Variants in DLGAP3 observed in about 807,000 individuals in gnomAD.
The protein encoded by DLGAP3 is disks large-associated protein 3.
A neutral mutation model predicts 81.2 loss-of-function variants in DLGAP3; 17 were observed. The ratio of observed to expected loss-of-function variants is 0.21; its 90% CI spans 0.14 to 0.31. The LOEUF (loss-of-function observed/expected upper bound fraction) is 0.31. Among genes scored for constraint, DLGAP3 ranks in the 10% least tolerant of loss-of-function variants. DLGAP3 has a pLI of 1.00. For missense variants in DLGAP3, 1,124 were observed against 1,388.0 expected (o/e 0.81, Z 3.02); for synonymous variants, 577 against 587.4 (o/e 0.98, Z 0.26).
chr1:34,912,389 G>T (rs1639652307), intron 1 of DLGAP3, among the ~76,000 whole-genome samples: 1 of 152,184 alleles, frequency 6.6e-6, no homozygotes, highest in Admixed American at 6.5e-5. Context: ...TCAGCATTTG[G>T]CACAAAGTGA....
chr1:34,888,597 G>C (rs1218874944), intron 5 of DLGAP3, among the ~76,000 whole-genome samples: 1 of 152,180 alleles, frequency 6.6e-6, no homozygotes, highest in Non-Finnish European at 1.5e-5. Context: ...AAGAAGGATT[G>C]TCTGAACTTT....
intron 1 of DLGAP3, among the ~76,000 whole-genome samples, chr1:34,926,180 G>A (rs921239397): frequency 3.9e-5 from 6 of 152,176 alleles, no homozygotes; most frequent in African/African-American, 1.4e-4. Context: ...CAGCTCTCCA[G>A]CTACAGCCCC....
At chr1:34,886,345 G>A (rs1639230012) in intron 5 of DLGAP3, 60 bp from the exon 6 acceptor site, 2 of 1,462,016 alleles carry the variant, frequency 1.4e-6, no homozygotes, top group Non-Finnish European at 1.8e-6. Flanking sequence ...GGAAGTCCCT[G>A]GGGTGCTCTG....
At chr1:34,876,334 G>GTT (rs2148396536) in intron 8 of DLGAP3, among the ~76,000 whole-genome samples, 1 of 152,340 alleles carries the variant, frequency 6.6e-6, no homozygotes, top group South Asian at 2.1e-4. Context: ...CACCCTGAAA[G>GTT]GCAGAAGAGA....
intron 3 of DLGAP3, among the ~76,000 whole-genome samples, chr1:34,903,535 G>C (rs1429265092): frequency 1.3e-5 from 2 of 152,170 alleles, no homozygotes; most frequent in African/African-American, 4.8e-5. Flanking sequence ...TGGGGTGAAG[G>C]CTCCATAAAA....
At chr1:34,926,510 C>T (rs1292550271) in intron 1 of DLGAP3, among the ~76,000 whole-genome samples, 3 of 152,166 alleles carry the variant, frequency 2.0e-5, no homozygotes, top group Non-Finnish European at 4.4e-5. Flanking sequence ...GGGTACGCAG[C>T]TGTTCTTCCA....
intron 1 of DLGAP3, among the ~76,000 whole-genome samples, chr1:34,913,598 TA>T (rs1639673101): frequency 6.6e-6 from 1 of 152,258 alleles, no homozygotes; most frequent in Non-Finnish European, 1.5e-5. Context: ...GTGTTTATAG[TA>T]TGTCTCCCCA....
At chr1:34,925,240 C>T (rs1030244268) in intron 1 of DLGAP3, 1 of 151,932 alleles carries the variant, frequency 6.6e-6, no homozygotes, top group African/African-American at 2.4e-5. Flanking sequence ...AGACATGGGG[C>T]TTCCCTGAGG....
In DLGAP3 at chr1:34,900,038, C is replaced by T. The variant is rs1415060850; in HGVS notation, c.1313+30G>A. 1.9e-6 allele frequency: 3 copies of T among 1,595,134 alleles called. No individual in the cohort carries two copies. Among genetic ancestry groups the T allele is most frequent in the Admixed American group, 1.7e-5 (1 of 59,790 alleles). ...AGGAGTCCAGCATCAGCCTCCTGACCCCGCACCCCCCGGCCCTCCCTGTCC... is the reference window on the plus strand; with the variant it reads ...AGGAGTCCAGCATCAGCCTCCTGACTCCGCACCCCCCGGCCCTCCCTGTCC... On this transcript the variant is annotated intron_variant, in intron 4 of 11. Transcript: ENST00000373347. This position sits in a 1 kb window ranked among gnomAD's most constrained non-coding sequence, Gnocchi z 5.6.
chr1:34,866,354 A>C, intron 11 of DLGAP3, 53 bp from the exon 12 acceptor site: 1 of 1,395,714 alleles, frequency 7.2e-7, no homozygotes, highest in Non-Finnish European at 9.5e-7. Context: ...CCCAACACCC[A>C]GGTGTCCGCC....
At chr1:34,913,527 A>C (rs1437622317) in intron 1 of DLGAP3, among the ~76,000 whole-genome samples, 1 of 152,092 alleles carries the variant, frequency 6.6e-6, no homozygotes, top group African/African-American at 2.4e-5. Context: ...GTTCTATATC[A>C]CCTGCTTCAT....
chr1:34,869,009 G>A lies in DLGAP3; in HGVS notation c.2081C>T (p.Ala694Val), dbSNP rs773655239. ...DLELEGLAGL[A>V]TVATEDKALQ... is the part of the protein sequence containing the mutation. ...GGCCTTGTCTTCTGTGGCCACCGTG[G>A]CCAGGCCTGCCAGGCCCTCCAGCTC... is the stretch of plus-strand genomic sequence containing the variant. Residue 694 changes from alanine to valine, a missense_variant, in exon 9 of 12, where the codon GCC (alanine) becomes GTC (valine). Physicochemically the swap from Ala to Val is moderately conservative, Grantham distance 64 (BLOSUM62 0). Around this residue, in one of 9 missense-constraint regions of DLGAP3, gnomAD observed 379 missense variants for 455.7 expected, o/e 0.83. Coordinates refer to ENST00000373347, the MANE Select transcript of DLGAP3 (RefSeq NM_001080418.3). 6.2e-7 allele frequency: 1 copy of A among 1,603,684 alleles called. No homozygotes were observed. The highest frequency in any genetic ancestry group is 8.5e-7 in the Non-Finnish European group (1 of 1,179,180).
chr1:34,905,453 A>G lies in DLGAP3; in HGVS notation c.-51-19T>C. On this transcript the variant is annotated intron_variant, in intron 2 of 11. Transcript: ENST00000373347. Reference sequence around the variant, plus strand: ...GAACCTCCTGGAAAAATAGGGAGAAAAGGTATTTGAATTGAACAGCCCTCT... The same window carrying G: ...GAACCTCCTGGAAAAATAGGGAGAAGAGGTATTTGAATTGAACAGCCCTCT... 1 of 1,483,740 alleles carries G rather than the reference A, an allele frequency of 6.7e-7. No individual in the cohort carries two copies. Among genetic ancestry groups the G allele is most frequent in the Non-Finnish European group, 9.0e-7 (1 of 1,107,322 alleles). 91.9% of individuals were successfully genotyped at this position (1,483,740 alleles called of 1,614,324 possible). A position where few individuals can be genotyped will look rare whatever the true frequency, so the allele number is the denominator to read the frequency against.
chr1:34,875,044 C>A (rs1017001519), intron 8 of DLGAP3, among the ~76,000 whole-genome samples: 1 of 152,104 alleles, frequency 6.6e-6, no homozygotes, highest in Non-Finnish European at 1.5e-5. Flanking sequence ...GAGGGTCAGT[C>A]AGAAACCGTC....
intron 1 of DLGAP3, among the ~76,000 whole-genome samples, chr1:34,908,146 C>A (rs559738209): frequency 1.9e-4 from 29 of 152,334 alleles, no homozygotes; most frequent in Admixed American, 5.2e-4. Flanking sequence ...AGAATAGGAA[C>A]CAAGTCCTAT....
chr1:34,890,209 C>T (rs1347976427), intron 5 of DLGAP3, among the ~76,000 whole-genome samples: 1 of 152,112 alleles, frequency 6.6e-6, no homozygotes, highest in Non-Finnish European at 1.5e-5. Context: ...GGGCCACACC[C>T]CTAAAATTAA....
At chr1:34,882,819 C>T (rs1639165129) in intron 8 of DLGAP3, among the ~76,000 whole-genome samples, 1 of 152,140 alleles carries the variant, frequency 6.6e-6, no homozygotes, top group Non-Finnish European at 1.5e-5. Flanking sequence ...GCATAACCTG[C>T]CCCTGCCTGT....
chr1:34,875,900 G>C (rs938989404), intron 8 of DLGAP3, among the ~76,000 whole-genome samples: 14 of 152,216 alleles, frequency 9.2e-5, no homozygotes, highest in African/African-American at 3.1e-4. Context: ...TCACTTCCCA[G>C]GGAAGCCATG....
At chr1:34,911,026 C>CCT (rs1553124120) in intron 1 of DLGAP3, among the ~76,000 whole-genome samples, 1 of 144,630 alleles carries the variant, frequency 6.9e-6, no homozygotes, top group South Asian at 2.3e-4. Context: ...TTATCCACCC[C>CCT]CCCCCCACCA....
Sources: allele counts gnomAD v4.1 joint callset (sites outside exome capture counted in the v4.1 genomes callset), GRCh38; gene constraint gnomAD v4.1.1; regional missense constraint gnomAD v4.1.1; non-coding constraint Gnocchi (gnomAD v3.1); transcripts MANE v1.5; gene names NCBI Gene and HGNC (gene_info 2026-07-23, HGNC 2026-07-21).